Variants in VRK2 observed in about 807,000 individuals in gnomAD.
VRK2 encodes serine/threonine-protein kinase VRK2.
VRK2 carries 60 observed loss-of-function variants against 57.6 expected under a neutral mutation model. That is an observed-to-expected ratio of 1.04 (90% confidence interval 0.85 to 1.29). The LOEUF (loss-of-function observed/expected upper bound fraction) is 1.29, where lower values mean the gene tolerates loss of function less well. VRK2 is among the 50% of genes most tolerant of loss of function. The pLI, the probability that VRK2 is intolerant of heterozygous loss-of-function variation, is 0.00. For synonymous variants in VRK2, 231 were observed against 199.2 expected, an observed-to-expected ratio of 1.16 and a Z score of -1.35; for missense variants, 705 against 588.1, an observed-to-expected ratio of 1.20 and a Z score of -2.06.
intron 1 of VRK2, among the ~76,000 whole-genome samples, chr2:57,993,591 A>G (rs1301558742): frequency 1.3e-5 from 2 of 152,244 alleles, no homozygotes; most frequent in Non-Finnish European, 2.9e-5. Flanking sequence ...AGATTCATTC[A>G]AAGAAGTAAC....
chr2:57,953,489 A>C (rs1671490021), intron 1 of VRK2, among the ~76,000 whole-genome samples: 1 of 152,202 alleles, frequency 6.6e-6, no homozygotes, highest in African/African-American at 2.4e-5. Flanking sequence ...CGTGTATCCC[A>C]TAAAATATGA....
At chr2:58,158,898 C>T (rs1186402399) in intron 12 of VRK2, among the ~76,000 whole-genome samples, 1 of 152,082 alleles carries the variant, frequency 6.6e-6, no homozygotes, top group African/African-American at 2.4e-5. Flanking sequence ...TGTGTACAGC[C>T]TCATCCTTTG....
chr2:58,106,648 T>C (rs1353780105), intron 7 of VRK2, among the ~76,000 whole-genome samples: 2 of 151,934 alleles, frequency 1.3e-5, no homozygotes, highest in African/African-American at 4.8e-5. Context: ...AAATTTTCAG[T>C]TTGTAAATAT....
intron 1 of VRK2, among the ~76,000 whole-genome samples, chr2:57,951,769 T>C (rs1172635619): frequency 1.3e-5 from 2 of 152,072 alleles, no homozygotes; most frequent in Non-Finnish European, 2.9e-5. Flanking sequence ...TTTTTCTGAG[T>C]TGTGGTCTCT....
chr2:58,133,643 T>G (rs556597876), intron 9 of VRK2, among the ~76,000 whole-genome samples: 40 of 152,342 alleles, frequency 2.6e-4, no homozygotes, highest in African/African-American at 8.9e-4. Context: ...CTCACACATA[T>G]AAATAATTTT....
At chr2:57,994,068 G>A (rs749183878) in intron 1 of VRK2, among the ~76,000 whole-genome samples, 9 of 152,194 alleles carry the variant, frequency 5.9e-5, no homozygotes, top group Non-Finnish European at 1.3e-4. Flanking sequence ...CTTTTTAAAG[G>A]ATGTCTCCAT....
chr2:57,966,595 T>A (rs1671924030), intron 1 of VRK2, among the ~76,000 whole-genome samples: 1 of 152,172 alleles, frequency 6.6e-6, no homozygotes, highest in African/African-American at 2.4e-5. Context: ...CTTACTCCAT[T>A]ATCTAATCAA....
intron 8 of VRK2, among the ~76,000 whole-genome samples, chr2:58,127,170 G>T (rs1036954202): frequency 9.2e-5 from 14 of 151,538 alleles, no homozygotes; most frequent in African/African-American, 2.9e-4. Context: ...CAATTGCTAC[G>T]GTATGTGAAA....
intron 1 of VRK2, among the ~76,000 whole-genome samples, chr2:57,939,619 C>T (rs1035336544): frequency 6.6e-6 from 1 of 152,132 alleles, no homozygotes; most frequent in African/African-American, 2.4e-5. Context: ...ATTACATTTA[C>T]CCATCTATAC....
At chr2:57,921,469 G>A (rs1385205943) in intron 1 of VRK2, among the ~76,000 whole-genome samples, 1 of 151,880 alleles carries the variant, frequency 6.6e-6, no homozygotes, top group Non-Finnish European at 1.5e-5. Flanking sequence ...CTGACAAGGT[G>A]AATTATAGGG....
rs113922031 is a variant in VRK2 at position 57,931,428 on chromosome 2, A to G, written c.-439+23589A>G. Among the ~76,000 whole-genome samples, 827 of 152,234 alleles carry G rather than the reference A, an allele frequency of 5.4e-3. 6 individuals are homozygous for G. The highest frequency in any genetic ancestry group is 0.018 in the African/African-American group (747 of 41,546). Reference sequence around the variant, plus strand: ...GCTATTTGTATTCTTCTTTTGAGGAATATCTATTCAGATCCTTTGCCCAAT... The same window carrying G: ...GCTATTTGTATTCTTCTTTTGAGGAGTATCTATTCAGATCCTTTGCCCAAT... On this transcript the variant is annotated intron_variant, in intron 1 of 15. Coordinates refer to the VRK2 transcript ENST00000417641.
At chr2:57,916,751 T>G (rs1193077767) in intron 1 of VRK2, among the ~76,000 whole-genome samples, 1 of 152,072 alleles carries the variant, frequency 6.6e-6, no homozygotes, top group Non-Finnish European at 1.5e-5. Context: ...TAAGTCAGAG[T>G]AGAGAAAAGC....
chr2:58,103,834 G>A (rs566231516), intron 7 of VRK2, among the ~76,000 whole-genome samples: 3 of 151,830 alleles, frequency 2.0e-5, no homozygotes, highest in Non-Finnish European at 4.4e-5. Flanking sequence ...GACCATAGAT[G>A]CAAAGTCCTC....
Position 58,022,753 on chromosome 2 carries a change from T to G in VRK2, c.-438-2912T>G, listed in dbSNP as rs140410933. Among the ~76,000 whole-genome samples the G allele has an allele frequency of 2.0e-3, 304 of 152,264 alleles. 1 individual carries two copies. Among genetic ancestry groups the G allele is most frequent in the Non-Finnish European group, 3.5e-3 (238 of 68,020 alleles). On this transcript the variant is annotated intron_variant, in intron 1 of 15. Transcript: ENST00000417641. ...AGCTAAGCATGGTGGCCCTTGCCTG[T>G]AGTCCCAGCTACTCAGGAGGCTGAG...
intron 2 of VRK2, among the ~76,000 whole-genome samples, chr2:58,079,013 G>T (rs1670505089): frequency 6.6e-6 from 1 of 152,042 alleles, no homozygotes; most frequent in African/African-American, 2.4e-5. Context: ...TTGATGTTGG[G>T]TTATAGGAGT....
At chr2:58,067,969 A>C (rs1164888689) in intron 2 of VRK2, among the ~76,000 whole-genome samples, 1 of 149,266 alleles carries the variant, frequency 6.7e-6, no homozygotes, top group Non-Finnish European at 1.5e-5. Flanking sequence ...TCGCTTTGTC[A>C]CCCAGCCTGG....
At chr2:58,041,628 C>T (rs1362630627) in intron 3 of VRK2, among the ~76,000 whole-genome samples, 2 of 152,198 alleles carry the variant, frequency 1.3e-5, no homozygotes, top group Non-Finnish European at 2.9e-5. Flanking sequence ...CAAACATTCT[C>T]TTGTGGAAAA....
At chr2:57,961,148 TTAAG>T (rs1277017101) in intron 1 of VRK2, among the ~76,000 whole-genome samples, 1 of 152,132 alleles carries the variant, frequency 6.6e-6, no homozygotes, top group Non-Finnish European at 1.5e-5. Context: ...TAAAGAAACA[TTAAG>T]TAAGGTAAGA....
chr2:58,107,216 T>G (rs1674887625), intron 7 of VRK2, among the ~76,000 whole-genome samples: 1 of 152,158 alleles, frequency 6.6e-6, no homozygotes, highest in Non-Finnish European at 1.5e-5. Flanking sequence ...GATGGCTTTT[T>G]GTTTTAAAGA....
Sources: allele counts gnomAD v4.1 joint callset (sites outside exome capture counted in the v4.1 genomes callset), GRCh38; gene constraint gnomAD v4.1.1; transcripts MANE v1.5; gene names NCBI Gene and HGNC (gene_info 2026-07-23, HGNC 2026-07-21).